The following DENND1A variants were observed in gnomAD, a reference collection of about 807,000 sequenced individuals.
DENND1A encodes the protein DENN domain containing 1A, also known as DENN domain-containing protein 1A.
In DENND1A, 51 loss-of-function variants were observed where a neutral mutation model predicts 113.7. That is an observed-to-expected ratio of 0.45 (90% CI 0.36 to 0.57). DENND1A has a LOEUF of 0.57. DENND1A is among the 20% of genes least tolerant of loss of function. The probability of loss-of-function intolerance (pLI) is 0.00; values close to 1 mark genes in which losing one functional copy is unlikely to be tolerated. For missense variants in DENND1A, 1,258 were observed against 1,395.9 expected (o/e 0.90, Z 1.57); for synonymous variants, 565 against 570.8 (o/e 0.99, Z 0.14).
chr9:123,846,241 T>C (rs1842603514), intron 2 of DENND1A, among the ~76,000 whole-genome samples: 1 of 152,330 alleles, frequency 6.6e-6, no homozygotes, highest in South Asian at 2.1e-4. Flanking sequence ...ACATTGCTGG[T>C]GGCTATATAA....
At chr9:123,849,659 C>T (rs1225520971) in intron 2 of DENND1A, among the ~76,000 whole-genome samples, 3 of 152,172 alleles carry the variant, frequency 2.0e-5, no homozygotes, top group Non-Finnish European at 4.4e-5. Flanking sequence ...CTAAGAAATA[C>T]ATAAGGCTAT....
In DENND1A at chr9:123,741,283, A is replaced by T. The variant is rs188973606; in HGVS notation, c.302+16420T>A. ...ATAAATATTCTACTCCAACAACCAAAATTTTACAAGTGATTAAAGTGGAAA... is the reference window on the plus strand; with the variant it reads ...ATAAATATTCTACTCCAACAACCAATATTTTACAAGTGATTAAAGTGGAAA... On this transcript the variant is annotated intron_variant, in intron 5 of 23. Coordinates refer to ENST00000394215, the MANE Select transcript of DENND1A (RefSeq NM_001352964.2). Among the ~76,000 whole-genome samples the T allele has an allele frequency of 7.9e-5, 12 of 152,258 alleles. 1 individual carries two copies. In the East Asian group the frequency reaches 2.3e-3, roughly 29 times the overall value.
intron 8 of DENND1A, among the ~76,000 whole-genome samples, chr9:123,655,249 G>A (rs1400078680): frequency 2.6e-5 from 4 of 152,068 alleles, no homozygotes; most frequent in African/African-American, 9.7e-5. Context: ...CACGAGACGG[G>A]GTCCTGTTAG....
At chr9:123,580,979 C>T (rs1184759313) in intron 12 of DENND1A, among the ~76,000 whole-genome samples, 5 of 152,168 alleles carry the variant, frequency 3.3e-5, no homozygotes, top group Non-Finnish European at 5.9e-5. Flanking sequence ...AGGTTCTCTC[C>T]TCTCTGTAGA....
At chr9:123,820,318 T>C (rs1838251507) in intron 2 of DENND1A, among the ~76,000 whole-genome samples, 1 of 152,250 alleles carries the variant, frequency 6.6e-6, no homozygotes, top group African/African-American at 2.4e-5. Flanking sequence ...GCAGGAATTA[T>C]GCCGAGTCAT....
intron 21 of DENND1A, among the ~76,000 whole-genome samples, chr9:123,389,990 C>A (rs1004797057): frequency 7.9e-5 from 12 of 152,246 alleles, no homozygotes; most frequent in African/African-American, 2.9e-4. Context: ...TTTGACCACA[C>A]TGGGCCCTGG....
chr9:123,526,399 G>C (rs778408196), intron 13 of DENND1A, among the ~76,000 whole-genome samples: 7 of 152,058 alleles, frequency 4.6e-5, no homozygotes, highest in Non-Finnish European at 8.8e-5. Context: ...ATCTCCCCAG[G>C]TGCTCTCTCA....
chr9:123,878,808 T>G (rs759728248), intron 2 of DENND1A, 143 bp downstream of exon 2: 2 of 699,440 alleles, frequency 2.9e-6, no homozygotes, highest in Non-Finnish European at 4.8e-6. Flanking sequence ...CCTAGGATAA[T>G]GTGAGCATGA....
intron 5 of DENND1A, among the ~76,000 whole-genome samples, chr9:123,706,153 T>C (rs1272730731): frequency 2.7e-5 from 4 of 150,492 alleles, no homozygotes; most frequent in Admixed American, 2.6e-4. Flanking sequence ...TTCTTTTTTT[T>C]TTTTTTTTGA....
intron 13 of DENND1A, among the ~76,000 whole-genome samples, chr9:123,497,649 G>A (rs536553878): frequency 2.4e-4 from 36 of 152,170 alleles, no homozygotes; most frequent in Admixed American, 1.1e-3. Flanking sequence ...GATATAAACT[G>A]CTAAGTGACT....
intron 13 of DENND1A, among the ~76,000 whole-genome samples, chr9:123,474,330 C>G (rs1480029678): frequency 6.6e-6 from 1 of 152,108 alleles, no homozygotes; most frequent in Non-Finnish European, 1.5e-5. Context: ...TTTTAAGGAT[C>G]AAATAATTAC....
At chr9:123,862,093 TA>T (rs869172408) in intron 2 of DENND1A, among the ~76,000 whole-genome samples, 18 of 152,086 alleles carry the variant, frequency 1.2e-4, no homozygotes, top group African/African-American at 3.6e-4. Flanking sequence ...TAATTCCTAA[TA>T]AAAAAAAATT....
intron 13 of DENND1A, among the ~76,000 whole-genome samples, chr9:123,545,023 G>A (rs1355345512): frequency 4.6e-5 from 7 of 151,890 alleles, no homozygotes; most frequent in Admixed American, 3.3e-4. Context: ...GCGTGAACCC[G>A]GGAGGTGGAG....
intron 10 of DENND1A, among the ~76,000 whole-genome samples, chr9:123,614,943 G>A (rs2060579873): frequency 6.6e-6 from 1 of 152,178 alleles, no homozygotes; most frequent in Non-Finnish European, 1.5e-5. Context: ...ATTGTCTTGT[G>A]GTTTTAAATT....
intron 10 of DENND1A, among the ~76,000 whole-genome samples, chr9:123,613,150 T>C (rs990830567): frequency 1.3e-5 from 2 of 152,120 alleles, no homozygotes; most frequent in African/African-American, 4.8e-5. Flanking sequence ...CTCCACTGAG[T>C]TCAGGAGGGT....
At chr9:123,558,669 C>A (rs2057563818) in intron 12 of DENND1A, among the ~76,000 whole-genome samples, 1 of 152,142 alleles carries the variant, frequency 6.6e-6, no homozygotes, top group African/African-American at 2.4e-5. Flanking sequence ...ACATAAAAAA[C>A]AATGTAGGAA....
intron 13 of DENND1A, among the ~76,000 whole-genome samples, chr9:123,507,685 T>TAA (rs552077971): frequency 2.1e-4 from 29 of 136,878 alleles, no homozygotes; most frequent in Admixed American, 9.6e-4. Context: ...CCTCATCTCT[T>TAA]AAAAAAAAAA....
At chr9:123,453,705 T>C (rs2047904821) in intron 16 of DENND1A, among the ~76,000 whole-genome samples, 1 of 152,190 alleles carries the variant, frequency 6.6e-6, no homozygotes, top group South Asian at 2.1e-4. Flanking sequence ...CGGTCTTAAC[T>C]TTTAGCACAA....
chr9:123,895,950 G>A (rs1850683158), intron 1 of DENND1A, among the ~76,000 whole-genome samples: 1 of 152,252 alleles, frequency 6.6e-6, no homozygotes, highest in South Asian at 2.1e-4. Flanking sequence ...ACTCAGCACT[G>A]AGAAAGGGAA....
Sources: allele counts gnomAD v4.1 joint callset (sites outside exome capture counted in the v4.1 genomes callset), GRCh38; gene constraint gnomAD v4.1.1; transcripts MANE v1.5; gene names NCBI Gene and HGNC (gene_info 2026-07-23, HGNC 2026-07-21).